UNC5D: variants seen among roughly 807,000 people sequenced by gnomAD.
UNC5D encodes unc-5 netrin receptor D.
A neutral mutation model predicts 105.4 loss-of-function variants in UNC5D; 39 were observed. The ratio of observed to expected loss-of-function variants is 0.37; its 90% CI spans 0.29 to 0.48. UNC5D has a LOEUF of 0.48. Among genes scored for constraint, UNC5D ranks in the 20% least tolerant of loss-of-function variants. UNC5D has a pLI of 0.98. For missense variants in UNC5D, 991 were observed against 1,202.4 expected (o/e 0.82, Z 2.60); for synonymous variants, 452 against 450.4 (o/e 1.00, Z -0.04).
chr8:35,468,374 T>C (rs188346104), intron 1 of UNC5D, among the ~76,000 whole-genome samples: 10 of 152,280 alleles, frequency 6.6e-5, no homozygotes, highest in African/African-American at 2.2e-4. Context: ...TTGGGTAAAA[T>C]AATGCATTGT....
In UNC5D at chr8:35,249,097, TA is replaced by T. The variant is rs1214581282; in HGVS notation, c.103+13217del. ...ATATATAAAAGTTATATATAATATA[TA>T]AAAAAATATATATATTATATATATA... On this transcript the variant is annotated intron_variant, in intron 1 of 16. Coordinates refer to ENST00000404895, the MANE Select transcript of UNC5D (RefSeq NM_080872.4). Among the ~76,000 whole-genome samples, 463 of 124,668 alleles carry T rather than the reference TA, an allele frequency of 3.7e-3. 2 individuals carry two copies. The highest frequency in any genetic ancestry group is 7.8e-3 in the African/African-American group (247 of 31,852). The allele number at this position is 124,668 out of a possible 152,430, so 81.8% of individuals were successfully genotyped here.
At chr8:35,337,770 AAC>A (rs1491067974) in intron 1 of UNC5D, among the ~76,000 whole-genome samples, 1 of 152,118 alleles carries the variant, frequency 6.6e-6, no homozygotes, top group Non-Finnish European at 1.5e-5. Context: ...GAAAAAAAAA[AAC>A]AGATAGCCAA....
intron 1 of UNC5D, among the ~76,000 whole-genome samples, chr8:35,300,362 A>T (rs529760480): frequency 2.7e-5 from 4 of 148,026 alleles, no homozygotes; most frequent in African/African-American, 9.9e-5. Flanking sequence ...TAGGAGAATC[A>T]CTTGAACCCG....
chr8:35,379,868 T>C (rs1411572803), intron 1 of UNC5D, among the ~76,000 whole-genome samples: 1 of 151,942 alleles, frequency 6.6e-6, no homozygotes, highest in African/African-American at 2.4e-5. Flanking sequence ...TAATGTTTTG[T>C]ACATTTATAT....
intron 7 of UNC5D, among the ~76,000 whole-genome samples, chr8:35,703,082 G>A (rs866721486): frequency 4.0e-5 from 6 of 151,666 alleles, no homozygotes; most frequent in African/African-American, 9.7e-5. Context: ...AGCAGAGGCC[G>A]GAACTAGATA....
chr8:35,419,450 C>A (rs1003054055), intron 1 of UNC5D, among the ~76,000 whole-genome samples: 1 of 152,284 alleles, frequency 6.6e-6, no homozygotes, highest in Non-Finnish European at 1.5e-5. Context: ...TGTCTTCCAC[C>A]CTGGGTGCCA....
intron 1 of UNC5D, among the ~76,000 whole-genome samples, chr8:35,306,963 T>A (rs1808468132): frequency 6.6e-6 from 1 of 152,140 alleles, no homozygotes; most frequent in Non-Finnish European, 1.5e-5. Context: ...AATCTCAAAT[T>A]TCGTCAGCAC....
At chr8:35,548,925 T>G (rs1815898507) in intron 1 of UNC5D, among the ~76,000 whole-genome samples, 1 of 152,220 alleles carries the variant, frequency 6.6e-6, no homozygotes, top group Admixed American at 6.5e-5. Context: ...TTCAAAATTT[T>G]GAAGCAGCTT....
intron 4 of UNC5D, among the ~76,000 whole-genome samples, chr8:35,633,595 T>A (rs4739419): frequency 0.88 from 133,404 of 151,536 alleles, 58,787 homozygotes; most frequent in East Asian, 0.96. Context: ...AAAAAAAAAA[T>A]TTTTTTTAAA....
chr8:35,728,428 T>C lies in UNC5D; in HGVS notation c.1681+1899T>C, dbSNP rs541485306. 3.3e-5 allele frequency among the ~76,000 whole-genome samples: 5 copies of C among 152,294 alleles called. No individual in the cohort carries two copies. In the South Asian group the frequency reaches 1.0e-3, roughly 32 times the overall value. On this transcript the variant is annotated intron_variant, in intron 10 of 16. Coordinates refer to ENST00000404895, the MANE Select transcript of UNC5D (RefSeq NM_080872.4). ...CCTTCACCTCTGACTTGAGCAGCAC[T>C]AACGTTGAAAACTAAAAGTTCTGAC...
chr8:35,582,907 C>T (rs1402817212), intron 3 of UNC5D, among the ~76,000 whole-genome samples: 2 of 152,178 alleles, frequency 1.3e-5, no homozygotes, highest in East Asian at 3.9e-4. Flanking sequence ...TCTCCACATC[C>T]AGGTGGTTTT....
At chr8:35,489,807 T>C (rs2921214) in intron 1 of UNC5D, among the ~76,000 whole-genome samples, 144 of 152,362 alleles carry the variant, frequency 9.5e-4, no homozygotes, top group Non-Finnish European at 1.6e-3. Context: ...ATTGCAAACG[T>C]TTAAACATTA....
chr8:35,265,901 A>ATAATC (rs1563262455), intron 1 of UNC5D, among the ~76,000 whole-genome samples: 44 of 148,136 alleles, frequency 3.0e-4, no homozygotes, highest in African/African-American at 1.0e-3. Context: ...TAATAATAAT[A>ATAATC]ATAATATATC....
intron 1 of UNC5D, among the ~76,000 whole-genome samples, chr8:35,305,623 T>G (rs1295470779): frequency 1.1e-5 from 1 of 91,518 alleles, no homozygotes; most frequent in Non-Finnish European, 2.3e-5. Context: ...CTTTCTTTCT[T>G]TTTCTTTCTC....
chr8:35,689,555 G>A (rs899097881), intron 7 of UNC5D, among the ~76,000 whole-genome samples: 9 of 152,334 alleles, frequency 5.9e-5, no homozygotes, highest in African/African-American at 2.2e-4. Context: ...AATCTGCAAA[G>A]CCAATGTCCC....
chr8:35,581,727 A>G (rs1318997361), intron 3 of UNC5D, among the ~76,000 whole-genome samples: 1 of 152,136 alleles, frequency 6.6e-6, no homozygotes, highest in Non-Finnish European at 1.5e-5. Flanking sequence ...CCATAAACAT[A>G]TGTACCTCTT....
rs534967200 is a variant in UNC5D, at chr8:35,686,401, G to T, written c.920-144G>T. The stretch of plus-strand genomic sequence containing the variant: ...CTCTTCAGGAAAGAAACCATGGAGA[G>T]AAGATAAGTGGATATGTTCTTTTGT... On this transcript the variant is annotated intron_variant, in intron 6 of 16. Transcript: ENST00000404895. 411 of 871,868 alleles carry T rather than the reference G, an allele frequency of 4.7e-4. 1 individual carries two copies. The Middle Eastern group carries it at 0.011, about 24-fold the overall frequency. 54.0% of individuals were successfully genotyped at this position (871,868 alleles called of 1,614,324 possible).
rs3077002 is a variant in UNC5D at position 35,657,080 on chromosome 8, GTATATATATATATATATATATA to G, written c.571-26445_571-26424del. On this transcript the variant is annotated intron_variant, in intron 4 of 16. Coordinates refer to ENST00000404895, the MANE Select transcript of UNC5D (RefSeq NM_080872.4). ...TGTGTGTGTGTGTGTGTGTGTGTGT[GTATATATATATATATATATATA>G]TATATATATATATATATATATGCCA... is the stretch of plus-strand genomic sequence containing the variant. Among the ~76,000 whole-genome samples, 38 of 46,528 alleles carry G rather than the reference GTATATATATATATATATATATA, an allele frequency of 8.2e-4. 1 individual carries two copies. The highest frequency in any genetic ancestry group is 3.8e-3 in the Admixed American group (15 of 3,912). 30.5% of individuals were successfully genotyped at this position (46,528 alleles called of 152,430 possible).
intron 1 of UNC5D, among the ~76,000 whole-genome samples, chr8:35,407,604 T>C (rs915006719): frequency 6.6e-5 from 10 of 152,030 alleles, no homozygotes; most frequent in Non-Finnish European, 1.0e-4. Context: ...ACTTGTGTCA[T>C]GGGGGTTTGT....
Sources: allele counts gnomAD v4.1 joint callset (sites outside exome capture counted in the v4.1 genomes callset), GRCh38; gene constraint gnomAD v4.1.1; transcripts MANE v1.5; gene names NCBI Gene and HGNC (gene_info 2026-07-23, HGNC 2026-07-21).